The following CDX2 variants were observed in gnomAD, a reference collection of about 807,000 sequenced individuals.
CDX2 encodes the protein homeobox protein CDX-2.
CDX2 carries 7 observed loss-of-function variants against 25.5 expected under a neutral mutation model. The ratio of observed to expected loss-of-function variants is 0.27; its 90% CI spans 0.16 to 0.52. The LOEUF (loss-of-function observed/expected upper bound fraction) is 0.52. Among genes scored for constraint, CDX2 ranks in the 20% least tolerant of loss-of-function variants. The pLI is 0.97. For missense variants in CDX2, 375 were observed against 431.4 expected, an observed-to-expected ratio of 0.87 and a Z score of 1.16; for synonymous variants, 222 against 198.6, an observed-to-expected ratio of 1.12 and a Z score of -0.99.
At position 27,963,181 on chromosome 13, in the gene CDX2, C is replaced by T. The variant is rs1486917963; in HGVS notation, c.876G>A (p.Val292=). 3.1e-6 allele frequency: 5 copies of T among 1,614,184 alleles called. No homozygotes were observed. In the South Asian group the frequency reaches 5.5e-5, roughly 18 times the overall value. Reference sequence around the variant, plus strand: ...CCAGAACCCCAGGGACAGAGCCAGGCACTGAGGCTTGCAGGGAAGACACCG... The same window carrying T: ...CCAGAACCCCAGGGACAGAGCCAGGTACTGAGGCTTGCAGGGAAGACACCG... The part of the protein sequence containing the change: ...LSPVSSLQAS[V]PGSVPGVLGP... The change falls in exon 3 of 3, where the codon GTG becomes GTA. Residue 292 remains valine, a synonymous_variant. Transcript: ENST00000381020.
Position 27,968,706 on chromosome 13 carries a change from G to C in CDX2, c.301C>G (p.Pro101Ala). The change falls in exon 1 of 3, where the codon CCG becomes GCG. Residue 101 changes from proline (P) to alanine (A), a missense_variant. Around this residue, in one of 3 missense-constraint regions of CDX2, gnomAD observed 253 missense variants for 247.5 expected, o/e 1.02. Coordinates refer to ENST00000381020, the MANE Select transcript of CDX2 (RefSeq NM_001265.6). Reference protein sequence around the residue: ...AVAHGLNGGSPAAAMGYSSPA... With the variant: ...AVAHGLNGGSAAAAMGYSSPA... The stretch of plus-strand genomic sequence containing the variant: ...CTGCTGTAGCCCATGGCTGCGGCCG[G>C]GGAGCCACCGTTGAGGCCGTGAGCC... 6.5e-7 allele frequency: 1 copy of C among 1,530,870 alleles called. No individual in the cohort carries two copies. Among genetic ancestry groups the C allele is most frequent in the Non-Finnish European group, 8.7e-7 (1 of 1,143,612 alleles). The allele number at this position is 1,530,870 out of a possible 1,614,324, so 94.8% of individuals were successfully genotyped here.
In CDX2 at chr13:27,962,965, A is replaced by ACTC; in HGVS notation, c.*147_*149dup. Reference sequence around the variant, plus strand: ...TGAGGCCCCAAATCCCACTTGTCTTACTCCTGGCTCCCATTTTTCCTCTGA... The same window carrying ACTC: ...TGAGGCCCCAAATCCCACTTGTCTTACTCCTCCTGGCTCCCATTTTTCCTCTGA... On this transcript the variant is annotated 3_prime_UTR_variant, in exon 3 of 3. Transcript: ENST00000381020. 1.0e-6 allele frequency: 1 copy of ACTC among 965,414 alleles called. No individual in the cohort carries two copies. The highest frequency in any genetic ancestry group is 1.4e-6 in the Non-Finnish European group (1 of 706,410). The allele number at this position is 965,414 out of a possible 1,614,324, so 59.8% of individuals were successfully genotyped here.
intron 1 of CDX2, among the ~76,000 whole-genome samples, 193 bp downstream of exon 1, chr13:27,968,273 A>T (rs1236921390): frequency 6.6e-6 from 1 of 152,200 alleles, no homozygotes; most frequent in African/African-American, 2.4e-5. Flanking sequence ...ATTCACTCCC[A>T]GGCTCAGTAG....
In CDX2 at chr13:27,962,001, G is replaced by C. The variant is rs1869074324; in HGVS notation, c.*1114C>G. 4.4e-6 allele frequency: 1 copy of C among 228,698 alleles called. No individual in the cohort carries two copies. The highest frequency in any genetic ancestry group is 2.2e-5 in the African/African-American group (1 of 45,158). 14.2% of individuals were successfully genotyped at this position (228,698 alleles called of 1,614,324 possible). On this transcript the variant is annotated 3_prime_UTR_variant, in exon 3 of 3. Coordinates refer to ENST00000381020, the MANE Select transcript of CDX2 (RefSeq NM_001265.6). ...TCTTTCAGGCTTCTGATGCTCTGGG[G>C]TAAAATGAGGCTGTCCAGATAATCT... is the stretch of plus-strand genomic sequence containing the variant.
In CDX2 at chr13:27,964,847, G is replaced by A. The variant is rs111883191; in HGVS notation, c.687+23C>T. 2.4e-3 allele frequency: 3,887 copies of A among 1,612,432 alleles called. 68 individuals are homozygous for A. The African/African-American group carries it at 0.045, about 19-fold the overall frequency. On this transcript the variant is annotated intron_variant, in intron 2 of 2. Coordinates refer to ENST00000381020, the MANE Select transcript of CDX2 (RefSeq NM_001265.6). The surrounding 1 kb of genome is among the most constrained non-coding windows in gnomAD (Gnocchi z 4.7). ...TCCTCTGCCAGGCAGTGGCCCGCCCGGAGGGAGCTAGGCGGTCCCCACCTG... is the reference window on the plus strand; with the variant it reads ...TCCTCTGCCAGGCAGTGGCCCGCCCAGAGGGAGCTAGGCGGTCCCCACCTG...
chr13:27,968,610 C>A lies in CDX2; in HGVS notation c.397G>T (p.Ala133Ser). Residue 133 changes from alanine (A) to serine (S), a missense_variant, in exon 1 of 3, where the codon GCT (alanine) becomes TCT (serine). By Grantham distance (99) the Ala-to-Ser change is moderately conservative (BLOSUM62 1). Coordinates refer to ENST00000381020, the MANE Select transcript of CDX2 (RefSeq NM_001265.6). ...PHHPAAAPSC[A>S]SGLLQTLNPG... Reference sequence around the variant, plus strand: ...TTGAGCGTTTGCAGCAGCCCAGAAGCGCAGGAAGGCGCGGCGGCCGGGTGG... The same window carrying A: ...TTGAGCGTTTGCAGCAGCCCAGAAGAGCAGGAAGGCGCGGCGGCCGGGTGG... 6.4e-7 allele frequency: 1 copy of A among 1,556,686 alleles called. No homozygotes were observed. The highest frequency in any genetic ancestry group is 8.6e-7 in the Non-Finnish European group (1 of 1,158,798).
intron 1 of CDX2, chr13:27,967,302 C>T: frequency 1.9e-6 from 1 of 515,502 alleles, no homozygotes; most frequent in Non-Finnish European, 3.8e-6. Context: ...GCATTCCCAC[C>T]AGGACTCTCC....
Position 27,969,250 on chromosome 13 carries a change from GCA to G in CDX2, c.-246_-245del. The G allele has an allele frequency of 1.9e-6, 1 of 523,074 alleles. No individual in the cohort carries two copies. The highest frequency in any genetic ancestry group is 3.5e-5 in the East Asian group (1 of 28,200). 32.4% of individuals were successfully genotyped at this position (523,074 alleles called of 1,614,324 possible). On this transcript the variant is annotated 5_prime_UTR_variant, in exon 1 of 3. Coordinates refer to ENST00000381020, the MANE Select transcript of CDX2 (RefSeq NM_001265.6). ...CCTCCCACCTCCTTCCCACTAGGCT[GCA>G]GAGGCGGGGAAGACCCGCCACAGGC...
rs749920656 is a variant in CDX2, at chr13:27,968,563, G to A, written c.444C>T (p.Ala148=). 2.7e-5 allele frequency: 42 copies of A among 1,566,688 alleles called. 1 individual carries two copies. In the South Asian group the frequency reaches 4.7e-4, roughly 17 times the overall value. Residue 148 remains alanine (A), a synonymous_variant, in exon 1 of 3, where the codon GCC becomes GCT. Coordinates refer to ENST00000381020, the MANE Select transcript of CDX2 (RefSeq NM_001265.6). ...QTLNPGPPGP[A]ATAAAEQLSP... is the part of the protein sequence containing the mutation. ...ACAGCTGCTCGGCGGCAGCGGTGGC[G>A]GCGGGCCCAGGAGGGCCGGGGTTGA...
In CDX2 at chr13:27,964,788, T is replaced by C. The variant is rs1176665643; in HGVS notation, c.687+82A>G. On this transcript the variant is annotated intron_variant, in intron 2 of 2. Coordinates refer to ENST00000381020, the MANE Select transcript of CDX2 (RefSeq NM_001265.6). This position sits in a 1 kb window ranked among gnomAD's most constrained non-coding sequence, Gnocchi z 4.7. ...GCTTCAGTCTCTCCACAGATTTAGA[T>C]GGCCCCTGCAGCCAGATTTTCTAAC... The C allele has an allele frequency of 1.5e-6, 2 of 1,306,332 alleles. No individual in the cohort carries two copies. Among genetic ancestry groups the C allele is most frequent in the Non-Finnish European group, 1.1e-6 (1 of 919,638 alleles). 80.9% of individuals were successfully genotyped at this position (1,306,332 alleles called of 1,614,324 possible). A position where few individuals can be genotyped will look rare whatever the true frequency, so the allele number is the denominator to read the frequency against.
rs1407154556 is a variant in CDX2, at chr13:27,964,059, A to AAAAAAAGAGGACAG, written c.688-691_688-690insCTGTCCTCTTTTTT. Reference sequence around the variant, plus strand: ...TCAAAAGAGAGAGACAGAAAAAATCAACAACATCAAAAAAAGAGGACTAAA... The same window carrying AAAAAAAGAGGACAG: ...TCAAAAGAGAGAGACAGAAAAAATCAAAAAAAGAGGACAGACAACATCAAAAAAAGAGGACTAAA... On this transcript the variant is annotated intron_variant, in intron 2 of 2. Coordinates refer to ENST00000381020, the MANE Select transcript of CDX2 (RefSeq NM_001265.6). This position sits in a 1 kb window ranked among gnomAD's most constrained non-coding sequence, Gnocchi z 4.7. Among the ~76,000 whole-genome samples, 1 of 152,182 alleles carries AAAAAAAGAGGACAG rather than the reference A, an allele frequency of 6.6e-6. No individual in the cohort carries two copies. The highest frequency in any genetic ancestry group is 1.9e-4 in the East Asian group (1 of 5,198).
chr13:27,969,070 G>T lies in CDX2; in HGVS notation c.-64C>A. On this transcript the variant is annotated 5_prime_UTR_variant, in exon 1 of 3. Coordinates refer to ENST00000381020, the MANE Select transcript of CDX2 (RefSeq NM_001265.6). The stretch of plus-strand genomic sequence containing the variant: ...TGGGGACCGACGCTGGAGGCTGCCG[G>T]GGGGCACGAAGGGAAAGGGGCGAGG... 1 of 1,350,344 alleles carries T rather than the reference G, an allele frequency of 7.4e-7. No individual in the cohort carries two copies. The highest frequency in any genetic ancestry group is 1.9e-5 in the Admixed American group (1 of 52,362). The allele number at this position is 1,350,344 out of a possible 1,614,324, so 83.6% of individuals were successfully genotyped here.
chr13:27,968,422 G>T (rs749460216), intron 1 of CDX2, 44 bp downstream of exon 1: 15 of 1,441,990 alleles, frequency 1.0e-5, no homozygotes, highest in Non-Finnish European at 1.4e-5. Flanking sequence ...GGCTCGACCC[G>T]CGCCTTCCCA....
chr13:27,962,669 G>A lies in CDX2; in HGVS notation c.*446C>T, dbSNP rs557057927. ...CTGCCCGGAGGCAGGAGGCCCAGCT[G>A]GACCTCCGAGGGCCATGAGCAGGCA... On this transcript the variant is annotated 3_prime_UTR_variant, in exon 3 of 3. Transcript: ENST00000381020. The A allele has an allele frequency of 8.4e-6, 2 of 236,756 alleles. No homozygotes were observed. Among genetic ancestry groups the A allele is most frequent in the Non-Finnish European group, 1.7e-5 (2 of 120,444 alleles). 14.7% of individuals were successfully genotyped at this position (236,756 alleles called of 1,614,324 possible). A position where few individuals can be genotyped will look rare whatever the true frequency, so the allele number is the denominator to read the frequency against.
rs1019333820 is a variant in CDX2, at chr13:27,968,943, C to T, written c.64G>A (p.Gly22Ser). Residue 22 changes from glycine to serine, a missense_variant, in exon 1 of 3, where the codon GGC becomes AGC. Transcript: ENST00000381020. ...SMYPSSVRHSGGLNLAPQNFV... is the reference protein window; with the variant it reads ...SMYPSSVRHSSGLNLAPQNFV... The stretch of plus-strand genomic sequence containing the variant: ...TTCTGCGGCGCCAGGTTGAGGCCGC[C>T]AGAGTGGCGCACGGAGCTAGGGTAC... 1.9e-6 allele frequency: 3 copies of T among 1,608,300 alleles called. No individual in the cohort carries two copies. Among genetic ancestry groups the T allele is most frequent in the Non-Finnish European group, 1.7e-6 (2 of 1,179,266 alleles).
rs1194126147 is a variant in CDX2 at position 27,961,012 on chromosome 13, G to T, written c.*2103C>A. 6.6e-6 allele frequency among the ~76,000 whole-genome samples: 1 copy of T among 152,134 alleles called. No individual in the cohort carries two copies. The highest frequency in any genetic ancestry group is 1.5e-5 in the Non-Finnish European group (1 of 68,006). ...GCGGGCCTGTGGGCGCGGCCGGGGC[G>T]CGGGGAGACCTGCGGGGCACCGGGG... On this transcript the variant is annotated 3_prime_UTR_variant, in exon 3 of 3. Transcript: ENST00000381020.
chr13:27,967,247 T>C lies in CDX2; in HGVS notation c.541+1219A>G, dbSNP rs766369293. On this transcript the variant is annotated intron_variant, in intron 1 of 2. Coordinates refer to ENST00000381020, the MANE Select transcript of CDX2 (RefSeq NM_001265.6). ...AGGAGAAGGGACCAAGCCAAAGCTCTGAGGCTCACCCGAGGCTGATCTGTG... is the reference window on the plus strand; with the variant it reads ...AGGAGAAGGGACCAAGCCAAAGCTCCGAGGCTCACCCGAGGCTGATCTGTG... 12 of 501,080 alleles carry C rather than the reference T, an allele frequency of 2.4e-5. 1 individual carries two copies. Among genetic ancestry groups the C allele is most frequent in the African/African-American group, 1.7e-4 (9 of 52,028 alleles). 31.0% of individuals were successfully genotyped at this position (501,080 alleles called of 1,614,324 possible).
chr13:27,964,854 G>A lies in CDX2; in HGVS notation c.687+16C>T, dbSNP rs377404719. The A allele has an allele frequency of 5.0e-6, 8 of 1,613,000 alleles. No individual in the cohort carries two copies. The highest frequency in any genetic ancestry group is 6.8e-6 in the Non-Finnish European group (8 of 1,179,828). On this transcript the variant is annotated intron_variant, in intron 2 of 2. Transcript: ENST00000381020. The surrounding 1 kb of genome is among the most constrained non-coding windows in gnomAD (Gnocchi z 4.7). ...CCAGGCAGTGGCCCGCCCGGAGGGA[G>A]CTAGGCGGTCCCCACCTGCCTCTCA...
chr13:27,963,050 C>T lies in CDX2; in HGVS notation c.*65G>A. ...AGGGGAGGGGTCTCTCCTGAGGAGTCTAGCAGAGTCCACGCTCCTCATGGC... is the reference window on the plus strand; with the variant it reads ...AGGGGAGGGGTCTCTCCTGAGGAGTTTAGCAGAGTCCACGCTCCTCATGGC... On this transcript the variant is annotated 3_prime_UTR_variant, in exon 3 of 3. Coordinates refer to ENST00000381020, the MANE Select transcript of CDX2 (RefSeq NM_001265.6). The T allele has an allele frequency of 1.3e-6, 2 of 1,546,278 alleles. No homozygotes were observed.
Sources: allele counts gnomAD v4.1 joint callset (sites outside exome capture counted in the v4.1 genomes callset), GRCh38; gene constraint gnomAD v4.1.1; regional missense constraint gnomAD v4.1.1; non-coding constraint Gnocchi (gnomAD v3.1); transcripts MANE v1.5; gene names NCBI Gene and HGNC (gene_info 2026-07-23, HGNC 2026-07-21).